Variants in LMAN1 observed in about 807,000 individuals in gnomAD.
LMAN1 encodes lectin, mannose binding 1.
LMAN1 carries 32 observed loss-of-function variants against 67.8 expected under a neutral mutation model. The observed-to-expected ratio is 0.47, with a 90% CI of 0.36 to 0.63. The LOEUF is 0.63. LMAN1 is among the 30% of genes least tolerant of loss of function. The pLI, the probability that LMAN1 is intolerant of heterozygous loss-of-function variation, is 0.00. For missense variants in LMAN1, 632 were observed against 628.2 expected (o/e 1.01, Z -0.06); for synonymous variants, 235 against 219.3 (o/e 1.07, Z -0.63).
intron 10 of LMAN1, among the ~76,000 whole-genome samples, chr18:59,337,623 T>A (rs1211214995): frequency 7.9e-5 from 12 of 152,212 alleles, no homozygotes; most frequent in Non-Finnish European, 1.3e-4. Flanking sequence ...CATGATCCAG[T>A]CTATTTCTAA....
intron 8 of LMAN1, among the ~76,000 whole-genome samples, chr18:59,339,977 C>G (rs897398091): frequency 3.9e-5 from 6 of 152,148 alleles, no homozygotes; most frequent in Non-Finnish European, 8.8e-5. Context: ...AGGAAACAGG[C>G]TCTCCTATGC....
In LMAN1 at chr18:59,331,449, T is replaced by C; in HGVS notation, c.1465A>G (p.Thr489Ala). Residue 489 changes from threonine (T) to alanine (A), a missense_variant, in exon 12 of 13, where the codon ACT (threonine) becomes GCT (alanine). Physicochemically the swap from Thr to Ala is moderately conservative, Grantham distance 58. Coordinates refer to ENST00000251047, the MANE Select transcript of LMAN1 (RefSeq NM_005570.4). ...ATGATATAACCAATGAATAATACAGTTTGCACCACAACAAATATAATGAAG... is the reference window on the plus strand; with the variant it reads ...ATGATATAACCAATGAATAATACAGCTTGCACCACAACAAATATAATGAAG... Reference protein sequence around the residue: ...VHFIIFVVVQTVLFIGYIMYR... With the variant: ...VHFIIFVVVQAVLFIGYIMYR... 6.2e-7 allele frequency: 1 copy of C among 1,609,878 alleles called. No homozygotes were observed. The highest frequency in any genetic ancestry group is 1.1e-5 in the South Asian group (1 of 90,994).
intron 8 of LMAN1, among the ~76,000 whole-genome samples, chr18:59,339,239 A>C (rs1908233393): frequency 6.6e-6 from 1 of 152,244 alleles, no homozygotes; most frequent in Non-Finnish European, 1.5e-5. Context: ...ATGGCTAACC[A>C]GATGCAAGTA....
In LMAN1 at chr18:59,345,929, T is replaced by C; in HGVS notation, c.945A>G (p.Gln315=). 1.9e-6 allele frequency: 3 copies of C among 1,614,032 alleles called. No homozygotes were observed. The highest frequency in any genetic ancestry group is 1.1e-5 in the South Asian group (1 of 91,084). Residue 315 remains glutamine, a synonymous_variant, in exon 8 of 13, where the codon CAA becomes CAG. Transcript: ENST00000251047. Reference sequence around the variant, plus strand: ...TTTGCTACAACTCACCAGGCTGCCCTTGGAGGTCGGGGTGGCCCTTCTGGA... The same window carrying C: ...TTTGCTACAACTCACCAGGCTGCCCCTGGAGGTCGGGGTGGCCCTTCTGGA... ...EEFQKGHPDL[Q]GQPAEEIFES...
At chr18:59,353,105 C>T in intron 5 of LMAN1, 97 bp downstream of exon 5, 1 of 1,074,416 alleles carries the variant, frequency 9.3e-7, no homozygotes, top group Non-Finnish European at 1.4e-6. Flanking sequence ...GTAAGCATAT[C>T]CAAATTTAAG....
intron 6 of LMAN1, 130 bp downstream of exon 6, chr18:59,348,983 A>G: frequency 2.8e-6 from 3 of 1,066,478 alleles, no homozygotes; most frequent in Non-Finnish European, 4.4e-6. Flanking sequence ...GACTGGCACA[A>G]GAGGTGATGG....
At chr18:59,350,355 T>C (rs1908513196) in intron 5 of LMAN1, among the ~76,000 whole-genome samples, 1 of 152,202 alleles carries the variant, frequency 6.6e-6, no homozygotes, top group Non-Finnish European at 1.5e-5. Context: ...TTATTTGCCT[T>C]TGAGTCTTAA....
chr18:59,336,449 T>C (rs936536356), intron 10 of LMAN1, among the ~76,000 whole-genome samples: 12 of 152,192 alleles, frequency 7.9e-5, no homozygotes, highest in Admixed American at 1.3e-4. Flanking sequence ...AAGGAGAGTG[T>C]TGGACTGTAA....
intron 6 of LMAN1, 103 bp from the exon 7 acceptor site, chr18:59,347,674 C>T: frequency 1.1e-6 from 1 of 889,256 alleles, no homozygotes; most frequent in Non-Finnish European, 1.7e-6. Context: ...TAACAATAAC[C>T]AGTGAGGGAA....
intron 1 of LMAN1, among the ~76,000 whole-genome samples, chr18:59,358,324 C>T (rs1426778704): frequency 1.3e-5 from 2 of 152,128 alleles, no homozygotes; most frequent in African/African-American, 4.8e-5. Flanking sequence ...GGTTCAGAAA[C>T]AATCAATCCC....
chr18:59,343,116 A>T (rs1908325133), intron 8 of LMAN1, among the ~76,000 whole-genome samples: 1 of 151,720 alleles, frequency 6.6e-6, no homozygotes, highest in Non-Finnish European at 1.5e-5. Flanking sequence ...CTCCATAAGG[A>T]GAACTTCAAA....
chr18:59,346,159 G>A (rs2144222907), intron 7 of LMAN1, 108 bp from the exon 8 acceptor site: 2 of 780,488 alleles, frequency 2.6e-6, no homozygotes, highest in East Asian at 3.1e-5. Flanking sequence ...CTAGCGGAAA[G>A]GTTAACATAA....
intron 8 of LMAN1, 47 bp from the exon 9 acceptor site, chr18:59,339,000 T>C (rs1437868794): frequency 3.2e-6 from 5 of 1,545,886 alleles, no homozygotes; most frequent in South Asian, 1.1e-5. Context: ...TACACATATG[T>C]AGTTTTTGAA....
In LMAN1 at chr18:59,338,799, G is replaced by C. The variant is rs1908221264; in HGVS notation, c.1110C>G (p.Ile370Met). The change falls in exon 9 of 13, where the codon ATC (isoleucine) becomes ATG (methionine). Residue 370 changes from isoleucine (I) to methionine (M), a missense_variant. Coordinates refer to ENST00000251047, the MANE Select transcript of LMAN1 (RefSeq NM_005570.4). Reference protein sequence around the residue: ...RRYVSSLTEEISKRGAGMPGQ... With the variant: ...RRYVSSLTEEMSKRGAGMPGQ... ...CAGGCATTCCTGCTCCTCTTTTAGA[G>C]ATTTCCTCTGTTAAGGAAGAGACAT... The C allele has an allele frequency of 1.2e-5, 20 of 1,613,980 alleles. No individual in the cohort carries two copies. The highest frequency in any genetic ancestry group is 1.6e-5 in the Non-Finnish European group (19 of 1,180,024).
intron 8 of LMAN1, among the ~76,000 whole-genome samples, chr18:59,342,050 C>T (rs1032759281): frequency 6.6e-6 from 1 of 151,998 alleles, no homozygotes; most frequent in Admixed American, 6.6e-5. Context: ...ATTTGAACAC[C>T]TATATGCTCA....
At chr18:59,346,101 T>C in intron 7 of LMAN1, 50 bp from the exon 8 acceptor site, 1 of 1,453,910 alleles carries the variant, frequency 6.9e-7, no homozygotes, top group Non-Finnish European at 9.5e-7. Context: ...AGAAAATCAT[T>C]AAGATATCTC....
chr18:59,340,666 C>T (rs1039692238), intron 8 of LMAN1, among the ~76,000 whole-genome samples: 3 of 151,994 alleles, frequency 2.0e-5, no homozygotes, highest in African/African-American at 7.3e-5. Context: ...AACAAAAGGG[C>T]AATATTCACC....
intron 5 of LMAN1, among the ~76,000 whole-genome samples, chr18:59,350,763 A>G (rs1416687554): frequency 6.6e-6 from 1 of 152,058 alleles, no homozygotes; most frequent in Non-Finnish European, 1.5e-5. Context: ...CTAAAGTGCT[A>G]GGATTACATG....
intron 12 of LMAN1, 103 bp downstream of exon 12, chr18:59,331,315 A>T: frequency 1.6e-6 from 2 of 1,247,524 alleles, no homozygotes; most frequent in South Asian, 1.3e-5. Flanking sequence ...ACTTAATTTT[A>T]TAGGTGGTGA....
Sources: gnomAD v4.1 joint callset for allele counts (sites outside exome capture counted in the v4.1 genomes callset) on GRCh38, gnomAD v4.1.1 for gene constraint, MANE v1.5 for transcripts, NCBI Gene and HGNC (gene_info 2026-07-23, HGNC 2026-07-21) for gene names.